GALNT10: variants seen among roughly 807,000 people sequenced by gnomAD.
GALNT10 encodes polypeptide N-acetylgalactosaminyltransferase 10.
GALNT10 carries 41 observed loss-of-function variants against 75.0 expected under a neutral mutation model. The observed-to-expected ratio is 0.55, with a 90% CI of 0.43 to 0.71. The LOEUF is 0.71. GALNT10 is among the 30% of genes least tolerant of loss of function. The probability of loss-of-function intolerance (pLI) is 0.00; values close to 1 mark genes in which losing one functional copy is unlikely to be tolerated. For missense variants in GALNT10, 727 were observed against 818.5 expected (o/e 0.89, Z 1.36); for synonymous variants, 302 against 313.0 (o/e 0.96, Z 0.37).
intron 7 of GALNT10, among the ~76,000 whole-genome samples, chr5:154,390,981 G>C: frequency 6.6e-6 from 1 of 152,232 alleles, no homozygotes; most frequent in South Asian, 2.1e-4. Flanking sequence ...GAGGAAATGA[G>C]ACAGTGTAAT....
At chr5:154,374,378 A>T (rs1755625638) in intron 4 of GALNT10, among the ~76,000 whole-genome samples, 1 of 152,236 alleles carries the variant, frequency 6.6e-6, no homozygotes, top group Non-Finnish European at 1.5e-5. Context: ...ATGCCAGACA[A>T]CATAACACGA....
At chr5:154,225,918 G>A (rs1753056283) in intron 1 of GALNT10, among the ~76,000 whole-genome samples, 1 of 150,700 alleles carries the variant, frequency 6.6e-6, no homozygotes, top group Admixed American at 6.7e-5. Flanking sequence ...TCACTCATAG[G>A]TGGGAATTGA....
chr5:154,348,510 G>T (rs533533962), intron 4 of GALNT10, among the ~76,000 whole-genome samples: 2 of 152,240 alleles, frequency 1.3e-5, no homozygotes, highest in Admixed American at 1.3e-4. Flanking sequence ...TGTGTAGAGG[G>T]GTAGGGAATT....
intron 3 of GALNT10, among the ~76,000 whole-genome samples, chr5:154,320,910 G>C (rs1049280244): frequency 1.3e-4 from 20 of 152,208 alleles, no homozygotes; most frequent in African/African-American, 4.8e-4. Context: ...AGATGCAACG[G>C]TTAAGTCAGG....
At chr5:154,334,872 A>G (rs1482334524) in intron 4 of GALNT10, among the ~76,000 whole-genome samples, 2 of 152,222 alleles carry the variant, frequency 1.3e-5, no homozygotes, top group African/African-American at 4.8e-5. Context: ...CACCTCACCC[A>G]TGAGGCCAGG....
intron 4 of GALNT10, among the ~76,000 whole-genome samples, chr5:154,374,748 T>C (rs1057238747): frequency 1.6e-4 from 24 of 150,608 alleles, no homozygotes; most frequent in African/African-American, 5.9e-4. Flanking sequence ...TTTTCAATTC[T>C]TTTTCATTCT....
At chr5:154,311,651 G>C (rs896196744) in intron 3 of GALNT10, among the ~76,000 whole-genome samples, 1 of 149,334 alleles carries the variant, frequency 6.7e-6, no homozygotes, top group African/African-American at 2.5e-5. Context: ...TCACTCTCTT[G>C]CCCAGGCTGG....
intron 1 of GALNT10, among the ~76,000 whole-genome samples, chr5:154,194,162 C>T (rs1265080012): frequency 6.6e-6 from 1 of 152,214 alleles, no homozygotes; most frequent in East Asian, 1.9e-4. Flanking sequence ...AAAATGACTT[C>T]ACTGGATAAA....
In GALNT10 at chr5:154,402,024, T is replaced by C. The variant is rs1756177809; in HGVS notation, c.1057-2080T>C. Among the ~76,000 whole-genome samples, 2 of 152,282 alleles carry C rather than the reference T, an allele frequency of 1.3e-5. No individual in the cohort carries two copies. The highest frequency in any genetic ancestry group is 2.1e-4 in the South Asian group (1 of 4,824). ...CTCACCCAGGGTCAGGACGGTCTCATATCAGGACGACTGCAAGAGCCTCCC... is the reference window on the plus strand; with the variant it reads ...CTCACCCAGGGTCAGGACGGTCTCACATCAGGACGACTGCAAGAGCCTCCC... On this transcript the variant is annotated intron_variant, in intron 7 of 11. Coordinates refer to ENST00000297107, the MANE Select transcript of GALNT10 (RefSeq NM_198321.4). The surrounding 1 kb of genome is among the most constrained non-coding windows in gnomAD (Gnocchi z 4.2).
intron 3 of GALNT10, among the ~76,000 whole-genome samples, chr5:154,310,446 T>TG (rs756006717): frequency 0.013 from 1,279 of 97,128 alleles, 10 homozygotes; most frequent in South Asian, 0.069. Flanking sequence ...TTTTTGTTTT[T>TG]TTTTTTGTTT....
At chr5:154,197,672 A>G (rs1381071209) in intron 1 of GALNT10, among the ~76,000 whole-genome samples, 2 of 152,194 alleles carry the variant, frequency 1.3e-5, no homozygotes, top group African/African-American at 2.4e-5. Context: ...ATAAAATGAT[A>G]CTGATCCAAA....
chr5:154,346,045 C>A (rs1477346339), intron 4 of GALNT10, among the ~76,000 whole-genome samples: 2 of 151,002 alleles, frequency 1.3e-5, no homozygotes, highest in African/African-American at 2.4e-5. Context: ...GTGATCCACC[C>A]ACCTTAGCCA....
intron 4 of GALNT10, among the ~76,000 whole-genome samples, chr5:154,367,607 C>A (rs771217662): frequency 1.7e-4 from 26 of 152,278 alleles, no homozygotes; most frequent in South Asian, 4.1e-4. Context: ...GTAATCCCAG[C>A]ACTTTGGGAG....
intron 1 of GALNT10, among the ~76,000 whole-genome samples, chr5:154,219,247 A>C (rs1752931846): frequency 6.6e-6 from 1 of 152,178 alleles, no homozygotes; most frequent in African/African-American, 2.4e-5. Context: ...CACGTGCTTC[A>C]GGTGTCTACT....
chr5:154,300,281 A>G (rs1041686727), intron 3 of GALNT10, among the ~76,000 whole-genome samples: 5 of 152,144 alleles, frequency 3.3e-5, no homozygotes. Context: ...ATTCTGCACT[A>G]ATTTCATCTT....
At chr5:154,408,981 A>G (rs1377808371) in intron 8 of GALNT10, among the ~76,000 whole-genome samples, 1 of 152,098 alleles carries the variant, frequency 6.6e-6, no homozygotes, top group African/African-American at 2.4e-5. Flanking sequence ...TCATCCTTGG[A>G]CAGGCTCTCC....
In GALNT10 at chr5:154,415,775, G is replaced by T. The variant is rs1323726144; in HGVS notation, c.1504-8G>T. On this transcript the variant is annotated splice_region_variant and splice_polypyrimidine_tract_variant and intron_variant, in intron 10 of 11. Transcript: ENST00000297107. ...TGCTATCCCTATTTATGATGCCCCTGTGCACAGGTATTCACCTTCACCTGG... is the reference window on the plus strand; with the variant it reads ...TGCTATCCCTATTTATGATGCCCCTTTGCACAGGTATTCACCTTCACCTGG... The T allele has an allele frequency of 6.2e-7, 1 of 1,613,566 alleles. No homozygotes were observed. The highest frequency in any genetic ancestry group is 8.5e-7 in the Non-Finnish European group (1 of 1,179,584).
intron 1 of GALNT10, among the ~76,000 whole-genome samples, chr5:154,223,912 C>A (rs968145268): frequency 7.3e-6 from 1 of 137,042 alleles, no homozygotes; most frequent in African/African-American, 2.5e-5. Context: ...AGAGCAAGAC[C>A]CTGTCTCAAA....
intron 4 of GALNT10, among the ~76,000 whole-genome samples, chr5:154,363,492 GAAAAAAAAAAAAAA>G (rs57710576): frequency 0.024 from 896 of 37,616 alleles, 23 homozygotes; most frequent in African/African-American, 0.063. Flanking sequence ...GCGTTTATCT[GAAAAAAAAAAAAAA>G]AAAAAAAAAA....
Sources: allele counts gnomAD v4.1 joint callset (sites outside exome capture counted in the v4.1 genomes callset), GRCh38; gene constraint gnomAD v4.1.1; non-coding constraint Gnocchi (gnomAD v3.1); transcripts MANE v1.5; gene names NCBI Gene and HGNC (gene_info 2026-07-23, HGNC 2026-07-21).